The following MOB3B variants were observed in gnomAD, a reference collection of about 807,000 sequenced individuals.
The protein encoded by MOB3B is MOB kinase activator-like 2B.
Under a neutral mutation model 18.7 loss-of-function variants are expected in MOB3B, and 7 were observed. The ratio of observed to expected loss-of-function variants is 0.37; its 90% CI spans 0.21 to 0.70. The LOEUF is 0.70. MOB3B is among the 30% of genes least tolerant of loss of function. The pLI, the probability that MOB3B is intolerant of heterozygous loss-of-function variation, is 0.52. For missense variants in MOB3B, 253 were observed against 281.3 expected (o/e 0.90, Z 0.72); for synonymous variants, 111 against 99.9 (o/e 1.11, Z -0.66).
intron 2 of MOB3B, among the ~76,000 whole-genome samples, chr9:27,374,589 C>A (rs1821465743): frequency 6.6e-6 from 1 of 152,016 alleles, no homozygotes; most frequent in African/African-American, 2.4e-5. Flanking sequence ...GTGACTAAAG[C>A]AATGGTCTCT....
intron 2 of MOB3B, among the ~76,000 whole-genome samples, chr9:27,408,036 C>G (rs1382071698): frequency 6.6e-6 from 1 of 152,140 alleles, no homozygotes; most frequent in Non-Finnish European, 1.5e-5. Context: ...GCCACTGAGC[C>G]CGATGCTTGG....
chr9:27,461,734 A>G (rs1385974546), intron 1 of MOB3B, among the ~76,000 whole-genome samples: 2 of 152,238 alleles, frequency 1.3e-5, no homozygotes, highest in Non-Finnish European at 2.9e-5. Flanking sequence ...TCAAATGTGT[A>G]AGTAAATAGT....
At chr9:27,524,727 G>A in intron 1 of MOB3B, 6 of 1,613,946 alleles carry the variant, frequency 3.7e-6, no homozygotes, top group Non-Finnish European at 2.5e-6. Context: ...ATGCTTGGAG[G>A]AAGACAAGAA....
At chr9:27,507,413 T>G (rs1820076325) in intron 1 of MOB3B, among the ~76,000 whole-genome samples, 1 of 152,220 alleles carries the variant, frequency 6.6e-6, no homozygotes, top group South Asian at 2.1e-4. Context: ...ACTGGACATC[T>G]CTTACGGTAC....
chr9:27,427,679 T>G (rs1822356643), intron 2 of MOB3B, among the ~76,000 whole-genome samples: 1 of 152,240 alleles, frequency 6.6e-6, no homozygotes, highest in South Asian at 2.1e-4. Flanking sequence ...TCTATTCATA[T>G]TTTTTGCCTT....
chr9:27,416,753 C>T (rs1822156294), intron 2 of MOB3B, among the ~76,000 whole-genome samples: 2 of 151,900 alleles, frequency 1.3e-5, no homozygotes, highest in Admixed American at 1.3e-4. Context: ...CCAGGCTGGT[C>T]TTAAACGTCT....
chr9:27,342,669 T>C (rs909348963), intron 3 of MOB3B, among the ~76,000 whole-genome samples: 7 of 152,212 alleles, frequency 4.6e-5, no homozygotes, highest in Admixed American at 4.6e-4. Context: ...GGTTTCGCCT[T>C]GTTGGCCGGG....
intron 1 of MOB3B, among the ~76,000 whole-genome samples, chr9:27,472,737 T>C (rs1449606537): frequency 6.6e-6 from 1 of 150,954 alleles, no homozygotes; most frequent in Non-Finnish European, 1.5e-5. Context: ...TGTTTGATTT[T>C]ATATAAGCAC....
chr9:27,511,740 G>A (rs1820149719), intron 1 of MOB3B, among the ~76,000 whole-genome samples: 1 of 152,170 alleles, frequency 6.6e-6, no homozygotes, highest in Admixed American at 6.5e-5. Context: ...ATCCTCTCCA[G>A]AAGGATTTTT....
chr9:27,343,571 C>T (rs73643194), intron 3 of MOB3B, among the ~76,000 whole-genome samples: 1,805 of 151,570 alleles, frequency 0.012, 35 homozygotes, highest in African/African-American at 0.042. Context: ...CTCAGACTCC[C>T]AGTGAATGAT....
At chr9:27,338,316 A>G (rs916383857) in intron 3 of MOB3B, among the ~76,000 whole-genome samples, 2 of 152,116 alleles carry the variant, frequency 1.3e-5, no homozygotes, top group Non-Finnish European at 2.9e-5. Flanking sequence ...GGTGAAGCTT[A>G]CAAGCCACGT....
At chr9:27,398,837 G>A (rs1409504897) in intron 2 of MOB3B, among the ~76,000 whole-genome samples, 1 of 152,140 alleles carries the variant, frequency 6.6e-6, no homozygotes, top group Non-Finnish European at 1.5e-5. Flanking sequence ...GGACTGTTGT[G>A]GCAAATTACT....
chr9:27,523,458 C>G (rs1820371472), intron 1 of MOB3B, among the ~76,000 whole-genome samples: 1 of 93,688 alleles, frequency 1.1e-5, no homozygotes. Flanking sequence ...ACTGCCTAAA[C>G]TGCACCAAAA....
chr9:27,357,121 A>AATATATATATATATATATATATATAT lies in MOB3B; in HGVS notation c.621+1912_621+1913insATATATATATATATATATATATATAT, dbSNP rs56064443. On this transcript the variant is annotated intron_variant, in intron 3 of 3. Transcript: ENST00000262244. ...TGTTCCAGGACTACTGAGTAATGCA[A>AATATATATATATATATATATATATAT]ATATATATATATATATATATATATG... Among the ~76,000 whole-genome samples the AATATATATATATATATATATATATAT allele has an allele frequency of 5.4e-4, 34 of 62,904 alleles. 1 individual carries two copies. The South Asian group carries it at 6.0e-3, about 11-fold the overall frequency. 41.3% of individuals were successfully genotyped at this position (62,904 alleles called of 152,430 possible). A position where few individuals can be genotyped will look rare whatever the true frequency, so the allele number is the denominator to read the frequency against.
At chr9:27,337,854 T>C (rs1820886266) in intron 3 of MOB3B, among the ~76,000 whole-genome samples, 1 of 152,126 alleles carries the variant, frequency 6.6e-6, no homozygotes. Context: ...GGCAGTGGTA[T>C]TGTGGTAAGG....
chr9:27,452,201 C>T (rs1354956605), intron 2 of MOB3B, among the ~76,000 whole-genome samples: 2 of 149,772 alleles, frequency 1.3e-5, no homozygotes, highest in African/African-American at 2.5e-5. Flanking sequence ...TCCATCCACC[C>T]ACCCGTCCAT....
At chr9:27,331,679 C>G (rs922691796) in intron 3 of MOB3B, among the ~76,000 whole-genome samples, 3 of 152,200 alleles carry the variant, frequency 2.0e-5, no homozygotes, top group Non-Finnish European at 4.4e-5. Context: ...AGCCCTGTGC[C>G]ATTTAGCATC....
rs571058336 is a variant in MOB3B at position 27,493,367 on chromosome 9, G to A, written c.-199+36188C>T. 3.1e-4 allele frequency among the ~76,000 whole-genome samples: 47 copies of A among 152,196 alleles called. 1 individual carries two copies. In the South Asian group the frequency reaches 4.4e-3, roughly 14 times the overall value. Reference sequence around the variant, plus strand: ...AAATTGTAAAGATTTCAGGCTGGTCGTGGTGGCTCACACCTGTAATCCCAG... The same window carrying A: ...AAATTGTAAAGATTTCAGGCTGGTCATGGTGGCTCACACCTGTAATCCCAG... On this transcript the variant is annotated intron_variant, in intron 1 of 3. Transcript: ENST00000262244.
At chr9:27,415,708 G>A (rs1440385039) in intron 2 of MOB3B, among the ~76,000 whole-genome samples, 1 of 152,098 alleles carries the variant, frequency 6.6e-6, no homozygotes, top group African/African-American at 2.4e-5. Flanking sequence ...ACTTCCAAAT[G>A]GAAAAGGTCC....
Sources: allele counts gnomAD v4.1 joint callset (sites outside exome capture counted in the v4.1 genomes callset), GRCh38; gene constraint gnomAD v4.1.1; transcripts MANE v1.5; gene names NCBI Gene and HGNC (gene_info 2026-07-23, HGNC 2026-07-21).